Variants in VPS13D observed in about 807,000 individuals in gnomAD.
VPS13D encodes intermembrane lipid transfer protein VPS13D.
In VPS13D, 187 loss-of-function variants were observed where a neutral mutation model predicts 461.9. The ratio of observed to expected loss-of-function variants is 0.40; its 90% CI spans 0.36 to 0.46. VPS13D has a LOEUF of 0.46. Ranked by LOEUF, VPS13D falls within the 20% of genes least tolerant of loss-of-function variation. The pLI is 0.60. For synonymous variants in VPS13D, 1,951 were observed against 1,986.3 expected, an observed-to-expected ratio of 0.98 and a Z score of 0.47; for missense variants, 4,711 against 5,364.9, an observed-to-expected ratio of 0.88 and a Z score of 3.81.
chr1:12,400,477 G>A, intron 61 of VPS13D, 147 bp downstream of exon 61: 1 of 1,059,800 alleles, frequency 9.4e-7, no homozygotes, highest in Non-Finnish European at 1.4e-6. Flanking sequence ...AGATTGTTTG[G>A]AGGAATTGAC....
At chr1:12,447,365 A>G (rs894015416) in intron 65 of VPS13D, among the ~76,000 whole-genome samples, 1 of 152,222 alleles carries the variant, frequency 6.6e-6, no homozygotes, top group Non-Finnish European at 1.5e-5. Context: ...TAAAATGAGC[A>G]TAATAATACT....
intron 2 of VPS13D, among the ~76,000 whole-genome samples, chr1:12,235,031 T>C (rs1640100050): frequency 1.3e-5 from 2 of 152,360 alleles, no homozygotes; most frequent in South Asian, 4.1e-4. Flanking sequence ...TTTCTCCCTT[T>C]CCTTGTTTTA....
At chr1:12,493,224 C>T (rs1645909404) in intron 67 of VPS13D, among the ~76,000 whole-genome samples, 2 of 150,558 alleles carry the variant, frequency 1.3e-5, no homozygotes, top group Admixed American at 6.6e-5. Context: ...TGCGGTGGCT[C>T]ACGCCTGTAA....
At chr1:12,233,663 A>G (rs567736738) in intron 1 of VPS13D, among the ~76,000 whole-genome samples, 4 of 152,348 alleles carry the variant, frequency 2.6e-5, no homozygotes, top group African/African-American at 9.6e-5. Context: ...AAGAGTGACT[A>G]TTCCCTGAAG....
chr1:12,376,874 G>A (rs915851398), intron 55 of VPS13D, among the ~76,000 whole-genome samples: 3 of 152,068 alleles, frequency 2.0e-5, no homozygotes, highest in Non-Finnish European at 4.4e-5. Context: ...CAACATAGCA[G>A]AGCAGTTAAG....
chr1:12,401,184 G>A (rs1644575171), intron 61 of VPS13D, among the ~76,000 whole-genome samples: 1 of 152,170 alleles, frequency 6.6e-6, no homozygotes, highest in Admixed American at 6.5e-5. Flanking sequence ...AAAAGTGGGA[G>A]CCAACCAGGG....
chr1:12,489,956 C>G (rs1645853753), intron 67 of VPS13D, among the ~76,000 whole-genome samples: 1 of 152,214 alleles, frequency 6.6e-6, no homozygotes, highest in Non-Finnish European at 1.5e-5. Flanking sequence ...TCCTCTCAGC[C>G]ATTATATTAT....
chr1:12,378,587 A>G lies in VPS13D; in HGVS notation c.11077A>G (p.Asn3693Asp). The G allele has an allele frequency of 6.4e-7, 1 of 1,556,902 alleles. No individual in the cohort carries two copies. Reference protein sequence around the residue: ...DIAGLAAVTDNRYEPLMLRKP... With the variant: ...DIAGLAAVTDDRYEPLMLRKP... Reference sequence around the variant, plus strand: ...TGCTGGTCTCGCTGCAGTGACTGACAACAGGTAATTTTCTAGGCAACTTTT... The same window carrying G: ...TGCTGGTCTCGCTGCAGTGACTGACGACAGGTAATTTTCTAGGCAACTTTT... Residue 3693 changes from asparagine to aspartate, a missense_variant, in exon 56 of 70, where the codon AAC becomes GAC. By Grantham distance (23) the Asn-to-Asp change is conservative. Coordinates refer to ENST00000620676, the MANE Select transcript of VPS13D (RefSeq NM_015378.4).
intron 21 of VPS13D, 34 bp from the exon 22 acceptor site, chr1:12,288,189 A>C: frequency 6.4e-7 from 1 of 1,554,560 alleles, no homozygotes; most frequent in Non-Finnish European, 8.9e-7. Flanking sequence ...TCTCCCCAGT[A>C]ATATTGGCCT....
At chr1:12,287,299 T>G (rs996884523) in intron 21 of VPS13D, among the ~76,000 whole-genome samples, 7 of 152,220 alleles carry the variant, frequency 4.6e-5, no homozygotes, top group African/African-American at 1.7e-4. Context: ...AACCCATTGC[T>G]TTTTCTCTGT....
At chr1:12,286,951 C>T (rs1641992370) in intron 21 of VPS13D, among the ~76,000 whole-genome samples, 1 of 152,178 alleles carries the variant, frequency 6.6e-6, no homozygotes, top group Non-Finnish European at 1.5e-5. Flanking sequence ...ACCTCTACCT[C>T]CTGGGTTCAA....
intron 60 of VPS13D, among the ~76,000 whole-genome samples, chr1:12,390,020 C>T (rs137994554): frequency 0.012 from 1,761 of 152,326 alleles, 12 homozygotes; most frequent in Middle Eastern, 0.031. Flanking sequence ...TAAAGTTAGG[C>T]GGAGCCCAAA....
intron 14 of VPS13D, among the ~76,000 whole-genome samples, chr1:12,267,427 C>T (rs1641307179): frequency 6.6e-6 from 1 of 152,048 alleles, no homozygotes; most frequent in Non-Finnish European, 1.5e-5. Context: ...ATATAATATA[C>T]GTTATTAACG....
intron 55 of VPS13D, among the ~76,000 whole-genome samples, chr1:12,376,429 T>C (rs1644199752): frequency 6.6e-6 from 1 of 152,248 alleles, no homozygotes; most frequent in African/African-American, 2.4e-5. Context: ...TGTAAAGAGA[T>C]GTAATGATAA....
intron 52 of VPS13D, among the ~76,000 whole-genome samples, chr1:12,365,158 T>C (rs556967222): frequency 1.1e-4 from 16 of 152,318 alleles, no homozygotes; most frequent in Admixed American, 3.3e-4. Context: ...TGATTATAGT[T>C]GCTTTGTATT....
intron 8 of VPS13D, 101 bp downstream of exon 8, chr1:12,256,604 T>G: frequency 7.5e-7 from 1 of 1,336,958 alleles, no homozygotes; most frequent in African/African-American, 1.5e-5. Context: ...AAAGTTCATG[T>G]GAGACCATTT....
At chr1:12,272,909 T>C (rs1006986187) in intron 17 of VPS13D, 94 bp from the exon 18 acceptor site, 1 of 1,525,000 alleles carries the variant, frequency 6.6e-7, no homozygotes, top group South Asian at 1.3e-5. Context: ...AGTCACTCCA[T>C]AATCCTAGCT....
In VPS13D at chr1:12,293,564, A is replaced by G. The variant is rs762491658; in HGVS notation, c.5893A>G (p.Ile1965Val). 5.6e-6 allele frequency: 9 copies of G among 1,614,016 alleles called. No homozygotes were observed. Among genetic ancestry groups the G allele is most frequent in the South Asian group, 1.1e-5 (1 of 91,064 alleles). The part of the protein sequence containing the change: ...PDPLLRREHD[I>V]RVSLRMASVQ... ...CCCTCTGCTCCGGAGAGAACACGAC[A>G]TTCGCGTGAGCCTCCGGATGGCCTC... is the stretch of plus-strand genomic sequence containing the variant. The change falls in exon 24 of 70, where the codon ATT becomes GTT. Residue 1965 changes from isoleucine (I) to valine (V), a missense_variant. Coordinates refer to ENST00000620676, the MANE Select transcript of VPS13D (RefSeq NM_015378.4).
At chr1:12,331,522 A>G (rs993811473) in intron 37 of VPS13D, among the ~76,000 whole-genome samples, 5 of 151,788 alleles carry the variant, frequency 3.3e-5, no homozygotes, top group African/African-American at 1.2e-4. Context: ...GCTGGCTAAC[A>G]TGATGAAACC....
Sources: gnomAD v4.1 joint callset for allele counts (sites outside exome capture counted in the v4.1 genomes callset) on GRCh38, gnomAD v4.1.1 for gene constraint, MANE v1.5 for transcripts, NCBI Gene and HGNC (gene_info 2026-07-23, HGNC 2026-07-21) for gene names.